The following GBE1 variants were observed in gnomAD, a reference collection of about 807,000 sequenced individuals.
The protein encoded by GBE1 is 1,4-alpha-glucan branching enzyme 1.
A neutral mutation model predicts 88.8 loss-of-function variants in GBE1; 70 were observed. That is an observed-to-expected ratio of 0.79 (90% confidence interval 0.65 to 0.96). The LOEUF (loss-of-function observed/expected upper bound fraction) is 0.96. Ranked by LOEUF, GBE1 falls within the 40% of genes least tolerant of loss-of-function variation. The probability of loss-of-function intolerance (pLI) is 0.00; values close to 1 mark genes in which losing one functional copy is unlikely to be tolerated. For missense variants in GBE1, 872 were observed against 871.0 expected, an observed-to-expected ratio of 1.00 and a Z score of -0.01; for synonymous variants, 284 against 300.1, an observed-to-expected ratio of 0.95 and a Z score of 0.56.
chr3:81,645,842 A>G (rs761485390), intron 6 of GBE1, among the ~76,000 whole-genome samples: 37 of 152,368 alleles, frequency 2.4e-4, no homozygotes, highest in Admixed American at 6.5e-4. Flanking sequence ...TCTATATGCC[A>G]TACATCATAA....
chr3:81,532,591 C>T (rs1436848590), intron 14 of GBE1, among the ~76,000 whole-genome samples: 5 of 152,042 alleles, frequency 3.3e-5, no homozygotes, highest in Non-Finnish European at 7.4e-5. Flanking sequence ...ATGAAAGCTC[C>T]CTTACACACT....
rs1706107787 is a variant in GBE1 at position 81,726,024 on chromosome 3, G to A, written c.144-20411C>T. Among the ~76,000 whole-genome samples, 11 of 151,716 alleles carry A rather than the reference G, an allele frequency of 7.3e-5. No homozygotes were observed. The South Asian group carries it at 2.3e-3, about 32-fold the overall frequency. Reference sequence around the variant, plus strand: ...GCTCAACATATTTCTTCTTAATAAAGGTTACTTAAACTGATAATCAATAGG... The same window carrying A: ...GCTCAACATATTTCTTCTTAATAAAAGTTACTTAAACTGATAATCAATAGG... On this transcript the variant is annotated intron_variant, in intron 1 of 15. Transcript: ENST00000429644.
At chr3:81,718,043 A>G (rs1705965655) in intron 1 of GBE1, among the ~76,000 whole-genome samples, 1 of 151,802 alleles carries the variant, frequency 6.6e-6, no homozygotes, top group African/African-American at 2.4e-5. Flanking sequence ...GCAGTGGCAC[A>G]ATTTCAGTTC....
intron 1 of GBE1, chr3:81,743,578 GGAC>G (rs1559705995): frequency 6.5e-7 from 1 of 1,534,982 alleles, no homozygotes; most frequent in East Asian, 2.4e-5. Flanking sequence ...AAGATTCATG[GGAC>G]AACGAAGTTA....
chr3:81,669,574 T>C (rs1705159929), intron 3 of GBE1, among the ~76,000 whole-genome samples: 1 of 151,826 alleles, frequency 6.6e-6, no homozygotes, highest in Admixed American at 6.6e-5. Context: ...ATCTTTTGAG[T>C]GTCTACTCTG....
chr3:81,572,142 C>T (rs1242932870), intron 12 of GBE1, among the ~76,000 whole-genome samples: 1 of 152,150 alleles, frequency 6.6e-6, no homozygotes, highest in Non-Finnish European at 1.5e-5. Context: ...CTTGGCATTT[C>T]TCCTTCCTGC....
At chr3:81,721,593 A>G (rs1706036948) in intron 1 of GBE1, among the ~76,000 whole-genome samples, 1 of 152,216 alleles carries the variant, frequency 6.6e-6, no homozygotes, top group South Asian at 2.1e-4. Context: ...CAAATGGTAT[A>G]TAATTATACA....
intron 3 of GBE1, among the ~76,000 whole-genome samples, chr3:81,667,723 G>A (rs184442096): frequency 5.3e-5 from 8 of 152,200 alleles, no homozygotes; most frequent in African/African-American, 1.9e-4. Flanking sequence ...TTTGTCCTTG[G>A]TTCTGTTTAT....
At chr3:81,597,977 A>C (rs1172958873) in intron 7 of GBE1, among the ~76,000 whole-genome samples, 1 of 151,942 alleles carries the variant, frequency 6.6e-6, no homozygotes, top group Non-Finnish European at 1.5e-5. Flanking sequence ...ATTGTCTTAC[A>C]TTCTGCCAAT....
intron 2 of GBE1, among the ~76,000 whole-genome samples, chr3:81,671,437 G>A (rs1705187995): frequency 6.6e-6 from 1 of 152,090 alleles, no homozygotes; most frequent in Admixed American, 6.6e-5. Flanking sequence ...AAGGTAGAAG[G>A]TTATATAAAG....
At chr3:81,751,535 A>G (rs1043530738) in intron 1 of GBE1, among the ~76,000 whole-genome samples, 2 of 152,256 alleles carry the variant, frequency 1.3e-5, no homozygotes, top group Non-Finnish European at 2.9e-5. Flanking sequence ...ACTAAAAAAG[A>G]CATAGTAAGC....
In GBE1 at chr3:81,737,332, T is replaced by A. The variant is rs1575771674; in HGVS notation, c.143+24043A>T. Among the ~76,000 whole-genome samples the A allele has an allele frequency of 7.6e-5, 5 of 65,394 alleles. No individual in the cohort carries two copies. In the South Asian group the frequency reaches 1.9e-3, roughly 25 times the overall value. 42.9% of individuals were successfully genotyped at this position (65,394 alleles called of 152,430 possible). ...ATATTTATATATATTTATATATATT[T>A]TTATATATATTTATATAAATATATA... On this transcript the variant is annotated intron_variant, in intron 1 of 15. Coordinates refer to ENST00000429644, the MANE Select transcript of GBE1 (RefSeq NM_000158.4).
At chr3:81,535,979 C>G (rs1703068567) in intron 13 of GBE1, among the ~76,000 whole-genome samples, 1 of 151,938 alleles carries the variant, frequency 6.6e-6, no homozygotes. Flanking sequence ...TCAGCCCCAG[C>G]TTTGAGAGGA....
At chr3:81,758,140 T>C (rs1706628736) in intron 1 of GBE1, among the ~76,000 whole-genome samples, 1 of 152,330 alleles carries the variant, frequency 6.6e-6, no homozygotes, top group South Asian at 2.1e-4. Flanking sequence ...CACTTACTTA[T>C]GCCATATATG....
At chr3:81,655,725 G>A (rs973564523) in intron 3 of GBE1, among the ~76,000 whole-genome samples, 14 of 151,942 alleles carry the variant, frequency 9.2e-5, no homozygotes, top group South Asian at 2.1e-4. Flanking sequence ...TCACCATGTC[G>A]GCCAGGCTGC....
intron 12 of GBE1, among the ~76,000 whole-genome samples, chr3:81,575,931 G>A (rs1418517821): frequency 6.6e-6 from 1 of 152,152 alleles, no homozygotes; most frequent in African/African-American, 2.4e-5. Context: ...CTTGGTATAA[G>A]GTTCCTCATC....
intron 12 of GBE1, among the ~76,000 whole-genome samples, chr3:81,570,344 A>G (rs936178315): frequency 2.6e-5 from 4 of 152,238 alleles, no homozygotes; most frequent in East Asian, 3.8e-4. Flanking sequence ...TTCAGAACTC[A>G]TAACTGATCT....
At chr3:81,659,319 G>A (rs1313220998) in intron 3 of GBE1, among the ~76,000 whole-genome samples, 1 of 151,506 alleles carries the variant, frequency 6.6e-6, no homozygotes, top group African/African-American at 2.4e-5. Flanking sequence ...TGATTCCTAA[G>A]CAATCATTCT....
intron 2 of GBE1, among the ~76,000 whole-genome samples, chr3:81,683,065 T>A (rs1468670825): frequency 6.6e-6 from 1 of 152,120 alleles, no homozygotes; most frequent in Non-Finnish European, 1.5e-5. Context: ...AGAAAGTAGA[T>A]CAGTGGTTGC....
Sources: allele counts gnomAD v4.1 joint callset (sites outside exome capture counted in the v4.1 genomes callset), GRCh38; gene constraint gnomAD v4.1.1; transcripts MANE v1.5; gene names NCBI Gene and HGNC (gene_info 2026-07-23, HGNC 2026-07-21).